SIPA1L1: variants seen among roughly 807,000 people sequenced by gnomAD.
The protein encoded by SIPA1L1 is signal-induced proliferation-associated 1-like protein 1.
SIPA1L1 carries 26 observed loss-of-function variants against 162.7 expected under a neutral mutation model. The ratio of observed to expected loss-of-function variants is 0.16; its 90% CI spans 0.12 to 0.22. The LOEUF is 0.22. Among genes scored for constraint, SIPA1L1 ranks in the 10% least tolerant of loss-of-function variants. SIPA1L1 has a pLI of 1.00. For synonymous variants in SIPA1L1, 829 were observed against 837.4 expected, an observed-to-expected ratio of 0.99 and a Z score of 0.17; for missense variants, 1,874 against 2,241.0, an observed-to-expected ratio of 0.84 and a Z score of 3.31.
intron 2 of SIPA1L1, among the ~76,000 whole-genome samples, chr14:71,492,463 G>C (rs2049360017): frequency 6.6e-6 from 1 of 152,130 alleles, no homozygotes; most frequent in African/African-American, 2.4e-5. Flanking sequence ...GCTTGACAGA[G>C]CTGTTTAATA....
chr14:71,437,647 A>C (rs1185358809), intron 2 of SIPA1L1, among the ~76,000 whole-genome samples: 1 of 152,136 alleles, frequency 6.6e-6, no homozygotes, highest in African/African-American at 2.4e-5. Context: ...CAGGCGTAAG[A>C]CACCGCGCCT....
intron 17 of SIPA1L1, among the ~76,000 whole-genome samples, chr14:71,720,674 C>T (rs2083644526): frequency 1.3e-5 from 2 of 151,944 alleles, no homozygotes; most frequent in Admixed American, 1.3e-4. Flanking sequence ...TTTCATGTAG[C>T]CTGTCTTGAG....
chr14:71,350,508 A>G (rs1157874604), intron 2 of SIPA1L1, among the ~76,000 whole-genome samples: 1 of 152,176 alleles, frequency 6.6e-6, no homozygotes, highest in Non-Finnish European at 1.5e-5. Flanking sequence ...GGTTTTGCCT[A>G]TTATGCTAAG....
chr14:71,451,846 A>C (rs962927374), intron 2 of SIPA1L1, among the ~76,000 whole-genome samples: 3 of 152,134 alleles, frequency 2.0e-5, no homozygotes, highest in African/African-American at 7.2e-5. Context: ...TGATAAACAC[A>C]TACAATTTTT....
At chr14:71,528,534 A>C (rs895369547) in intron 3 of SIPA1L1, among the ~76,000 whole-genome samples, 7 of 152,018 alleles carry the variant, frequency 4.6e-5, no homozygotes, top group Non-Finnish European at 1.0e-4. Flanking sequence ...GCGCGCCTCT[A>C]GTTCAGCTAC....
At chr14:71,428,786 G>T (rs974474773) in intron 2 of SIPA1L1, among the ~76,000 whole-genome samples, 3 of 152,194 alleles carry the variant, frequency 2.0e-5, no homozygotes, top group Non-Finnish European at 4.4e-5. Context: ...GGTCCTTTTT[G>T]CCCATCCTGG....
chr14:71,424,705 C>T (rs1408028964), intron 2 of SIPA1L1, among the ~76,000 whole-genome samples: 1 of 152,068 alleles, frequency 6.6e-6, no homozygotes, highest in Non-Finnish European at 1.5e-5. Flanking sequence ...CATCGGTATT[C>T]ATTAGAGATA....
At chr14:71,572,272 A>C (rs569555062) in intron 4 of SIPA1L1, among the ~76,000 whole-genome samples, 45 of 152,324 alleles carry the variant, frequency 3.0e-4, no homozygotes, top group Admixed American at 8.5e-4. Flanking sequence ...CTGGGGATTA[A>C]GTTTCAACAT....
intron 2 of SIPA1L1, among the ~76,000 whole-genome samples, chr14:71,495,920 G>GAAAGAAA (rs2049732228): frequency 8.0e-6 from 1 of 124,224 alleles, no homozygotes; most frequent in East Asian, 2.4e-4. Flanking sequence ...AAAAGAAGAA[G>GAAAGAAA]AAAGAAAAAA....
At chr14:71,506,342 T>C (rs1161057069) in intron 2 of SIPA1L1, among the ~76,000 whole-genome samples, 1 of 151,994 alleles carries the variant, frequency 6.6e-6, no homozygotes, top group Non-Finnish European at 1.5e-5. Context: ...AGCAAATACA[T>C]ATATATATAT....
chr14:71,736,642 A>G (rs2085319253), intron 22 of SIPA1L1, among the ~76,000 whole-genome samples: 1 of 152,168 alleles, frequency 6.6e-6, no homozygotes, highest in South Asian at 2.1e-4. Flanking sequence ...TGCTGGGGTG[A>G]GGAGAGCAGC....
chr14:71,379,166 C>G (rs1021404691), intron 2 of SIPA1L1, among the ~76,000 whole-genome samples: 1 of 152,094 alleles, frequency 6.6e-6, no homozygotes, highest in Admixed American at 6.5e-5. Context: ...TTCTATCTGT[C>G]AGAATTTTGT....
At chr14:71,367,571 G>C (rs1248757234) in intron 2 of SIPA1L1, among the ~76,000 whole-genome samples, 7 of 148,118 alleles carry the variant, frequency 4.7e-5, no homozygotes, top group African/African-American at 1.5e-4. Flanking sequence ...GCCTCCCAAA[G>C]TGCTGGGATT....
chr14:71,685,253 A>C, intron 12 of SIPA1L1, 109 bp from the exon 13 acceptor site: 5 of 1,207,226 alleles, frequency 4.1e-6, no homozygotes, highest in Non-Finnish European at 5.9e-6. Flanking sequence ...TTTGAAACAG[A>C]GGGTGAAATT....
intron 3 of SIPA1L1, among the ~76,000 whole-genome samples, chr14:71,513,833 T>C (rs1295456829): frequency 1.3e-5 from 2 of 152,118 alleles, no homozygotes; most frequent in African/African-American, 4.8e-5. Flanking sequence ...CAATTAGGGA[T>C]GACAGTTAGG....
intron 2 of SIPA1L1, among the ~76,000 whole-genome samples, chr14:71,453,356 C>A (rs911182475): frequency 1.3e-5 from 2 of 152,094 alleles, no homozygotes; most frequent in African/African-American, 4.8e-5. Flanking sequence ...CTTGACCTCC[C>A]GGGCTCGAGC....
intron 7 of SIPA1L1, among the ~76,000 whole-genome samples, chr14:71,638,290 T>C (rs905877518): frequency 4.6e-5 from 7 of 152,058 alleles, no homozygotes; most frequent in African/African-American, 1.4e-4. Flanking sequence ...GTAAAATTCC[T>C]TGAAAAAAAA....
intron 4 of SIPA1L1, chr14:71,574,564 C>A (rs1423127926): frequency 6.6e-6 from 1 of 152,142 alleles, no homozygotes; most frequent in East Asian, 1.9e-4. Context: ...CTAATATGCA[C>A]CTTATAAACA....
chr14:71,646,583 C>A (rs1596620228), intron 7 of SIPA1L1, among the ~76,000 whole-genome samples: 2 of 152,176 alleles, frequency 1.3e-5, no homozygotes, highest in African/African-American at 4.8e-5. Context: ...TGTTGAAAGA[C>A]CCCTTTACTT....
Sources: allele counts gnomAD v4.1 joint callset (sites outside exome capture counted in the v4.1 genomes callset), GRCh38; gene constraint gnomAD v4.1.1; transcripts MANE v1.5; gene names NCBI Gene and HGNC (gene_info 2026-07-23, HGNC 2026-07-21).